The following TMEM14C variants were observed in gnomAD, a reference collection of about 807,000 sequenced individuals.
TMEM14C encodes transmembrane protein 14C.
TMEM14C carries 13 observed loss-of-function variants against 14.8 expected under a neutral mutation model. The ratio of observed to expected loss-of-function variants is 0.88; its 90% CI spans 0.57 to 1.40. The LOEUF is 1.40. TMEM14C is among the 40% of genes most tolerant of loss of function. TMEM14C has a pLI of 0.00. For missense variants in TMEM14C, 142 were observed against 138.8 expected (o/e 1.02, Z -0.12); for synonymous variants, 57 against 51.3 (o/e 1.11, Z -0.48).
chr6:10,724,375 G>C, intron 1 of TMEM14C, 195 bp from the exon 2 acceptor site: 1 of 545,028 alleles, frequency 1.8e-6, no homozygotes, highest in Non-Finnish European at 3.3e-6. Flanking sequence ...GGGTTTACTA[G>C]GTGCTAAGCA....
intron 4 of TMEM14C, among the ~76,000 whole-genome samples, chr6:10,728,317 G>A (rs543171300): frequency 7.6e-4 from 115 of 151,026 alleles, no homozygotes; most frequent in African/African-American, 2.7e-3. Flanking sequence ...AGGAAGTAGC[G>A]TCTGCAGGGC....
chr6:10,725,267 C>A (rs1409193666), intron 3 of TMEM14C, among the ~76,000 whole-genome samples: 3 of 152,154 alleles, frequency 2.0e-5, no homozygotes, highest in African/African-American at 7.2e-5. Context: ...TCTTTATCTA[C>A]AGATAGGCAG....
Position 10,729,284 on chromosome 6 carries a change from C to T in TMEM14C, c.287+557C>T, listed in dbSNP as rs570462689. ...CGGAGTAGCTGGGATTACAGGCGTG[C>T]ACCACCATGCCCAGCTATTTTTGTT... On this transcript the variant is annotated intron_variant, in intron 5 of 5. Transcript: ENST00000229563. Among the ~76,000 whole-genome samples, 38 of 152,024 alleles carry T rather than the reference C, an allele frequency of 2.5e-4. No homozygotes were observed. In the East Asian group the frequency reaches 7.4e-3, roughly 30 times the overall value.
chr6:10,724,866 C>CTGTG, intron 2 of TMEM14C, 95 bp from the exon 3 acceptor site: 3 of 1,464,836 alleles, frequency 2.0e-6, no homozygotes, highest in Non-Finnish European at 2.9e-6. Flanking sequence ...GTGATAGGAC[C>CTGTG]TGTGGGGAAT....
chr6:10,730,544 T>C, intron 5 of TMEM14C, 71 bp from the exon 6 acceptor site: 1 of 1,491,950 alleles, frequency 6.7e-7, no homozygotes, highest in Non-Finnish European at 9.3e-7. Context: ...ACCAGCAGTT[T>C]AGTTCCTTAA....
At chr6:10,724,680 C>A (rs954340047) in intron 2 of TMEM14C, 47 bp downstream of exon 2, 9 of 1,579,088 alleles carry the variant, frequency 5.7e-6, no homozygotes, top group Non-Finnish European at 6.9e-6. Context: ...TTCTGGAAAC[C>A]AGAGTTCCTT....
At position 10,724,434 on chromosome 6, in the gene TMEM14C, G is replaced by A. The variant is rs1770794276; in HGVS notation, c.-44-136G>A. 2.4e-5 allele frequency: 15 copies of A among 619,014 alleles called. No homozygotes were observed. In the South Asian group the frequency reaches 2.6e-4, roughly 11 times the overall value. The allele number at this position is 619,014 out of a possible 1,614,324, so 38.3% of individuals were successfully genotyped here. On this transcript the variant is annotated intron_variant, in intron 1 of 5. Transcript: ENST00000229563. Reference sequence around the variant, plus strand: ...ATGCTCACTACAGCCCCAGGAAATCGGTACCAGTGTTATCCTCATGGTACA... The same window carrying A: ...ATGCTCACTACAGCCCCAGGAAATCAGTACCAGTGTTATCCTCATGGTACA...
intron 4 of TMEM14C, 49 bp downstream of exon 4, chr6:10,726,057 T>C (rs1020430937): frequency 1.2e-6 from 2 of 1,607,492 alleles, no homozygotes; most frequent in South Asian, 2.2e-5. Context: ...TCCAGAATAC[T>C]CTTTTCCAAA....
At chr6:10,726,463 A>G (rs903389583) in intron 4 of TMEM14C, among the ~76,000 whole-genome samples, 3 of 152,206 alleles carry the variant, frequency 2.0e-5, no homozygotes, top group Admixed American at 2.0e-4. Context: ...AGGCCGAGGC[A>G]AGTGGATTAC....
chr6:10,730,642 T>C lies in TMEM14C; in HGVS notation c.315T>C (p.Val105=). 6.2e-7 allele frequency: 1 copy of C among 1,612,494 alleles called. No homozygotes were observed. Among genetic ancestry groups the C allele is most frequent in the Non-Finnish European group, 8.5e-7 (1 of 1,178,984 alleles). The change falls in exon 6 of 6, where the codon GTT becomes GTC. Residue 105 remains valine, a synonymous_variant. Coordinates refer to ENST00000229563, the MANE Select transcript of TMEM14C (RefSeq NM_016462.4). ...ASLLMVAKVG[V]SMFNRPH Reference sequence around the variant, plus strand: ...TGCTGATGGTCGCCAAAGTTGGAGTTAGTATGTTCAACAGACCCCATTAGC... The same window carrying C: ...TGCTGATGGTCGCCAAAGTTGGAGTCAGTATGTTCAACAGACCCCATTAGC...
chr6:10,725,282 G>A (rs200609203), intron 3 of TMEM14C, among the ~76,000 whole-genome samples: 11 of 152,128 alleles, frequency 7.2e-5, no homozygotes, highest in African/African-American at 2.2e-4. Context: ...AGGCAGGGGC[G>A]GTTGTAGTTT....
At chr6:10,728,033 G>C (rs1333492901) in intron 4 of TMEM14C, among the ~76,000 whole-genome samples, 1 of 152,070 alleles carries the variant, frequency 6.6e-6, no homozygotes, top group Non-Finnish European at 1.5e-5. Context: ...GTCACCACAG[G>C]GCCTCTGCAT....
chr6:10,728,765 T>A (rs1770944202), intron 5 of TMEM14C, 38 bp downstream of exon 5: 7 of 1,613,632 alleles, frequency 4.3e-6, no homozygotes, highest in Middle Eastern at 1.6e-4. Context: ...CCATGTAGAG[T>A]TCAGTTTATT....
intron 1 of TMEM14C, among the ~76,000 whole-genome samples, chr6:10,723,591 A>ATTT (rs1192658275): frequency 1.1e-4 from 11 of 97,952 alleles, no homozygotes; most frequent in African/African-American, 5.3e-4. Context: ...TGGAAACTTA[A>ATTT]TTCTTTTTTT....
intron 1 of TMEM14C, 59 bp from the exon 2 acceptor site, chr6:10,724,511 T>A: frequency 8.1e-7 from 1 of 1,233,138 alleles, no homozygotes; most frequent in South Asian, 1.3e-5. Context: ...GACACACTTC[T>A]TTCTGACTGC....
chr6:10,725,763 T>C (rs960959365), intron 3 of TMEM14C, 144 bp from the exon 4 acceptor site: 26 of 936,038 alleles, frequency 2.8e-5, no homozygotes, highest in African/African-American at 2.0e-4. Context: ...CTCTGTAACG[T>C]CTTCCTGCTT....
intron 2 of TMEM14C, among the ~76,000 whole-genome samples, 161 bp downstream of exon 2, chr6:10,724,794 C>A (rs1035072750): frequency 1.3e-5 from 2 of 152,198 alleles, no homozygotes; most frequent in Non-Finnish European, 2.9e-5. Flanking sequence ...AGTCCCAGCT[C>A]TGGCTTTGCT....
At position 10,730,827 on chromosome 6, in the gene TMEM14C, TTACAAACCTA is replaced by T. The variant is rs1389522600; in HGVS notation, c.*162_*171del. 3 of 1,344,892 alleles carry T rather than the reference TTACAAACCTA, an allele frequency of 2.2e-6. No individual in the cohort carries two copies. The African/African-American group carries it at 4.4e-5, about 20-fold the overall frequency. The allele number at this position is 1,344,892 out of a possible 1,614,324, so 83.3% of individuals were successfully genotyped here. A position where few individuals can be genotyped will look rare whatever the true frequency, so the allele number is the denominator to read the frequency against. On this transcript the variant is annotated 3_prime_UTR_variant, in exon 6 of 6. Transcript: ENST00000229563. Reference sequence around the variant, plus strand: ...CAGAGAGGTGGAAAATCAGTCATGATTACAAACCTACAGAGGTGGCGAGTATGTAACACAA... The same window carrying T: ...CAGAGAGGTGGAAAATCAGTCATGATCAGAGGTGGCGAGTATGTAACACAA...
Position 10,728,705 on chromosome 6 carries a change from GCAGGTTTAATTGCAGGTGC to G in TMEM14C, c.271_287+2del. The G allele has an allele frequency of 1.2e-6, 2 of 1,614,250 alleles. No individual in the cohort carries two copies. Among genetic ancestry groups the G allele is most frequent in the Non-Finnish European group, 1.7e-6 (2 of 1,180,046 alleles). The stretch of plus-strand genomic sequence containing the variant: ...CTACCACTCTGGAAAATTCATGCCT[GCAGGTTTAATTGCAGGTGC>G]CAGGTACTTTCATTCTATTACTCTT... On this transcript the variant is annotated frameshift_variant, in exon 5 of 6. Coordinates refer to ENST00000229563, the MANE Select transcript of TMEM14C (RefSeq NM_016462.4). LOFTEE classifies it high-confidence loss of function.
Sources: allele counts gnomAD v4.1 joint callset (sites outside exome capture counted in the v4.1 genomes callset), GRCh38; gene constraint gnomAD v4.1.1; transcripts MANE v1.5; gene names NCBI Gene and HGNC (gene_info 2026-07-23, HGNC 2026-07-21).